ECPAS: variants seen among roughly 807,000 people sequenced by gnomAD.
ECPAS encodes the protein proteasome adapter and scaffold protein ECM29.
In ECPAS, 70 loss-of-function variants were observed where a neutral mutation model predicts 255.1. The ratio of observed to expected loss-of-function variants is 0.27; its 90% CI spans 0.23 to 0.33. ECPAS has a LOEUF of 0.33. Ranked by LOEUF, ECPAS falls within the 10% of genes least tolerant of loss-of-function variation. The pLI, the probability that ECPAS is intolerant of heterozygous loss-of-function variation, is 1.00. For synonymous variants in ECPAS, 784 were observed against 775.0 expected, an observed-to-expected ratio of 1.01 and a Z score of -0.19; for missense variants, 1,817 against 2,206.4, an observed-to-expected ratio of 0.82 and a Z score of 3.54.
intron 2 of ECPAS, among the ~76,000 whole-genome samples, chr9:111,461,384 G>A (rs978952880): frequency 1.2e-4 from 18 of 152,064 alleles, no homozygotes; most frequent in African/African-American, 4.1e-4. Context: ...AGAACTGCTT[G>A]AGCCCAGGAG....
rs541981533 is a variant in ECPAS, at chr9:111,444,452, G to A, written c.196C>T (p.Arg66Cys). The change falls in exon 4 of 50, where the codon CGC becomes TGC. Residue 66 changes from arginine (R) to cysteine (C), a missense_variant. This residue lies in a region of ECPAS where 90 missense variants were observed against 158.5 expected (regional missense o/e 0.57). Coordinates refer to ENST00000684092, the MANE Select transcript of ECPAS (RefSeq NM_001364929.1). The part of the protein sequence containing the change: ...LVHLNKRIKS[R>C]PKIQLPVETL... ...TCTACTGGAAGTTGTATTTTGGGGCGGCTTTTTATACGTTTATTCAGATGG... is the reference window on the plus strand; with the variant it reads ...TCTACTGGAAGTTGTATTTTGGGGCAGCTTTTTATACGTTTATTCAGATGG... 2.7e-5 allele frequency: 44 copies of A among 1,613,780 alleles called. No individual in the cohort carries two copies. Among genetic ancestry groups the A allele is most frequent in the Middle Eastern group, 1.6e-4 (1 of 6,062 alleles).
At chr9:111,382,325 C>G (rs1391064602) in intron 35 of ECPAS, among the ~76,000 whole-genome samples, 6 of 139,756 alleles carry the variant, frequency 4.3e-5, no homozygotes, top group Non-Finnish European at 7.5e-5. Flanking sequence ...AGTGCAATGG[C>G]GCAATCTGGG....
chr9:111,438,652 C>T (rs192416149), intron 6 of ECPAS, among the ~76,000 whole-genome samples: 37 of 152,282 alleles, frequency 2.4e-4, no homozygotes, highest in African/African-American at 7.9e-4. Context: ...GATGTAAGAT[C>T]GAGTCTCTGC....
intron 36 of ECPAS, among the ~76,000 whole-genome samples, 192 bp from the exon 37 acceptor site, chr9:111,376,733 C>A (rs1387397487): frequency 6.6e-6 from 1 of 152,112 alleles, no homozygotes; most frequent in Non-Finnish European, 1.5e-5. Flanking sequence ...CCAGGGGAAC[C>A]AGCACCACAC....
chr9:111,381,669 T>C (rs374237853), intron 35 of ECPAS, among the ~76,000 whole-genome samples: 20 of 152,300 alleles, frequency 1.3e-4, no homozygotes, highest in African/African-American at 4.8e-4. Flanking sequence ...AGCATATCCC[T>C]TAACTAAACT....
intron 1 of ECPAS, among the ~76,000 whole-genome samples, chr9:111,477,368 TCCCAGAGTGCTGGGATTA>T (rs1589244753): frequency 6.6e-6 from 1 of 152,122 alleles, no homozygotes; most frequent in Non-Finnish European, 1.5e-5. Flanking sequence ...AGCCTCGGCC[TCCCAGAGTGCTGGGATTA>T]CAGGTGTGAG....
intron 2 of ECPAS, among the ~76,000 whole-genome samples, chr9:111,455,289 C>T (rs1434631642): frequency 6.6e-6 from 1 of 152,094 alleles, no homozygotes; most frequent in Non-Finnish European, 1.5e-5. Flanking sequence ...TAGAGACTAT[C>T]CTGGCGAACA....
intron 6 of ECPAS, among the ~76,000 whole-genome samples, chr9:111,440,110 AC>A (rs1334984464): frequency 6.6e-6 from 1 of 151,944 alleles, no homozygotes; most frequent in Non-Finnish European, 1.5e-5. Flanking sequence ...TAATCGTCCC[AC>A]CTTGGCCTAA....
At chr9:111,430,903 A>T (rs1330262179) in intron 8 of ECPAS, among the ~76,000 whole-genome samples, 1 of 152,240 alleles carries the variant, frequency 6.6e-6, no homozygotes, top group Non-Finnish European at 1.5e-5. Flanking sequence ...AGAACACTGG[A>T]CACTGTTCCT....
rs1216616149 is a variant in ECPAS, at chr9:111,360,709, AT to A, written c.*1320del. ...GTTCTGGGTCGTGATGTAAAAAGTTATTTTTATTATGACTTGCAGTCAAAAA... is the reference window on the plus strand; with the variant it reads ...GTTCTGGGTCGTGATGTAAAAAGTTATTTTATTATGACTTGCAGTCAAAAA... On this transcript the variant is annotated 3_prime_UTR_variant, in exon 50 of 50. Coordinates refer to ENST00000684092, the MANE Select transcript of ECPAS (RefSeq NM_001364929.1). 11 of 152,224 alleles carry A rather than the reference AT, an allele frequency of 7.2e-5. No homozygotes were observed. The highest frequency in any genetic ancestry group is 2.7e-4 in the African/African-American group (11 of 41,458). The allele number at this position is 152,224 out of a possible 1,614,324, so 9.4% of individuals were successfully genotyped here. A position where few individuals can be genotyped will look rare whatever the true frequency, so the allele number is the denominator to read the frequency against.
intron 3 of ECPAS, among the ~76,000 whole-genome samples, chr9:111,445,366 C>T (rs2098251534): frequency 6.6e-6 from 1 of 151,752 alleles, no homozygotes; most frequent in African/African-American, 2.4e-5. Context: ...GAAGCATGTC[C>T]CTCAAGAAGA....
chr9:111,484,091 C>T (rs2098311611), intron 1 of ECPAS, 25 bp downstream of exon 1: 7 of 1,285,394 alleles, frequency 5.4e-6, no homozygotes, highest in Non-Finnish European at 5.9e-6. Flanking sequence ...GCCAGTCCCC[C>T]GCGGCCCGGG....
chr9:111,373,254 C>G lies in ECPAS; in HGVS notation c.4270-18G>C. On this transcript the variant is annotated intron_variant, in intron 40 of 49. Coordinates refer to ENST00000684092, the MANE Select transcript of ECPAS (RefSeq NM_001364929.1). ...CGTGAGGTCTGAAAAAGAAACAATC[C>G]TAAGTATTTCTTTATAACTGTCAAA... is the stretch of plus-strand genomic sequence containing the variant. 6.2e-7 allele frequency: 1 copy of G among 1,613,352 alleles called. No homozygotes were observed. The highest frequency in any genetic ancestry group is 8.5e-7 in the Non-Finnish European group (1 of 1,179,394).
chr9:111,435,518 C>A (rs1308770089), intron 7 of ECPAS, among the ~76,000 whole-genome samples: 1 of 151,982 alleles, frequency 6.6e-6, no homozygotes. Flanking sequence ...AAAGTGAGAC[C>A]CTGGTAAATC....
intron 31 of ECPAS, among the ~76,000 whole-genome samples, chr9:111,388,450 A>C (rs1475862688): frequency 2.0e-5 from 3 of 150,914 alleles, no homozygotes; most frequent in Non-Finnish European, 4.4e-5. Context: ...CCTACCACCA[A>C]GAATAGAAAC....
intron 2 of ECPAS, among the ~76,000 whole-genome samples, chr9:111,462,580 T>C: frequency 6.6e-6 from 1 of 152,096 alleles, no homozygotes; most frequent in East Asian, 1.9e-4. Flanking sequence ...AAAGTATCAA[T>C]GTAGTTTTTA....
intron 4 of ECPAS, among the ~76,000 whole-genome samples, chr9:111,443,669 T>C (rs1259031096): frequency 6.6e-6 from 1 of 152,224 alleles, no homozygotes; most frequent in Non-Finnish European, 1.5e-5. Context: ...AAATGTATAA[T>C]TGAGCCAAAT....
In ECPAS at chr9:111,384,569, C is replaced by A; in HGVS notation, c.3634G>T (p.Glu1212Ter). The A allele has an allele frequency of 6.2e-7, 1 of 1,613,598 alleles. No individual in the cohort carries two copies. Among genetic ancestry groups the A allele is most frequent in the Non-Finnish European group, 8.5e-7 (1 of 1,179,628 alleles). Residue 1212 changes from glutamate to a stop codon, truncating the protein, a stop_gained and splice_region_variant, in exon 34 of 50, where the codon GAA becomes TAA. Transcript: ENST00000684092. LOFTEE classifies it high-confidence loss of function. ...AGTTCTGCCGCTTTTCGTACAGATT[C>A]CTAAAAATGACAAAAGTGTGACATC... Reference protein sequence around the residue: ...TLFRVQDDIKESVRKAAELAL... With the variant: ...TLFRVQDDIK
At chr9:111,386,236 T>C in intron 32 of ECPAS, 141 bp downstream of exon 32, 1 of 657,106 alleles carries the variant, frequency 1.5e-6, no homozygotes, top group Admixed American at 2.8e-5. Context: ...TGTGCTGGGA[T>C]CACAGGTGTG....
Sources: gnomAD v4.1 joint callset for allele counts (sites outside exome capture counted in the v4.1 genomes callset) on GRCh38, gnomAD v4.1.1 for gene constraint, gnomAD v4.1.1 regional missense constraint, MANE v1.5 for transcripts, NCBI Gene and HGNC (gene_info 2026-07-23, HGNC 2026-07-21) for gene names.